Variants in GABBR2 observed in about 807,000 individuals in gnomAD.
GABBR2 encodes G-protein coupled receptor 51.
In GABBR2, 23 loss-of-function variants were observed where a neutral mutation model predicts 105.6. That is an observed-to-expected ratio of 0.22 (90% CI 0.16 to 0.31). GABBR2 has a LOEUF of 0.31. Among genes scored for constraint, GABBR2 ranks in the 10% least tolerant of loss-of-function variants. The probability of loss-of-function intolerance (pLI) is 1.00; values close to 1 mark genes in which losing one functional copy is unlikely to be tolerated. For missense variants in GABBR2, 734 were observed against 1,245.5 expected (o/e 0.59, Z 6.18); for synonymous variants, 478 against 499.7 (o/e 0.96, Z 0.58).
At chr9:98,363,589 G>A (rs1329902955) in intron 12 of GABBR2, among the ~76,000 whole-genome samples, 1 of 152,102 alleles carries the variant, frequency 6.6e-6, no homozygotes, top group African/African-American at 2.4e-5. Flanking sequence ...TTGTATACAT[G>A]TCTTCCCTCC....
At chr9:98,610,967 G>A (rs1564130308) in intron 1 of GABBR2, among the ~76,000 whole-genome samples, 1 of 152,042 alleles carries the variant, frequency 6.6e-6, no homozygotes, top group Admixed American at 6.6e-5. Context: ...CTCCAGCCTG[G>A]GTGAAAGAAT....
intron 13 of GABBR2, among the ~76,000 whole-genome samples, chr9:98,319,398 T>C (rs1830780384): frequency 6.6e-6 from 1 of 151,908 alleles, no homozygotes; most frequent in African/African-American, 2.4e-5. Flanking sequence ...CTAGAAGCTG[T>C]CATTTCAAGT....
chr9:98,465,987 C>T (rs1039872909), intron 6 of GABBR2, among the ~76,000 whole-genome samples: 1 of 152,148 alleles, frequency 6.6e-6, no homozygotes, highest in African/African-American at 2.4e-5. Flanking sequence ...CTAGTGAGTG[C>T]GTTCTCACAA....
intron 1 of GABBR2, among the ~76,000 whole-genome samples, chr9:98,673,605 A>G (rs1229886444): frequency 6.6e-6 from 1 of 152,046 alleles, no homozygotes; most frequent in African/African-American, 2.4e-5. Flanking sequence ...AACAGGGAAT[A>G]AAAAGATTTT....
chr9:98,343,027 T>G (rs1205168417), intron 13 of GABBR2, among the ~76,000 whole-genome samples: 1 of 152,228 alleles, frequency 6.6e-6, no homozygotes, highest in Non-Finnish European at 1.5e-5. Context: ...CCTCTTCCAA[T>G]ATCTGTTTCC....
intron 3 of GABBR2, among the ~76,000 whole-genome samples, chr9:98,518,121 C>G (rs1827795089): frequency 1.3e-5 from 2 of 152,178 alleles, no homozygotes; most frequent in South Asian, 4.1e-4. Context: ...TGTGAAGCGG[C>G]TGCTCCTCCC....
At chr9:98,573,533 C>T (rs2131775782) in intron 2 of GABBR2, among the ~76,000 whole-genome samples, 1 of 152,326 alleles carries the variant, frequency 6.6e-6, no homozygotes, top group African/African-American at 2.4e-5. Flanking sequence ...ATCCTCCTGC[C>T]TTGGCCTCCC....
At chr9:98,690,626 A>C (rs1390150863) in intron 1 of GABBR2, among the ~76,000 whole-genome samples, 1 of 152,196 alleles carries the variant, frequency 6.6e-6, no homozygotes, top group African/African-American at 2.4e-5. Context: ...GCTGGGAACC[A>C]AGACCATGAT....
intron 14 of GABBR2, 125 bp downstream of exon 14, chr9:98,310,970 T>C: frequency 1.6e-6 from 1 of 619,338 alleles, no homozygotes; most frequent in Non-Finnish European, 2.9e-6. Context: ...AGGCACTGAG[T>C]CCACAGAGAG....
intron 3 of GABBR2, among the ~76,000 whole-genome samples, chr9:98,507,872 C>A (rs1024894923): frequency 2.0e-5 from 3 of 152,216 alleles, no homozygotes; most frequent in Non-Finnish European, 4.4e-5. Context: ...CAGGTCCAAG[C>A]ACCTTTCTTG....
At chr9:98,347,517 C>T (rs1831321735) in intron 13 of GABBR2, among the ~76,000 whole-genome samples, 1 of 152,126 alleles carries the variant, frequency 6.6e-6, no homozygotes, top group Non-Finnish European at 1.5e-5. Context: ...TCTCATTTTA[C>T]AGGTTGTCTC....
chr9:98,546,542 G>C (rs565166086), intron 2 of GABBR2, among the ~76,000 whole-genome samples: 1 of 152,162 alleles, frequency 6.6e-6, no homozygotes, highest in Non-Finnish European at 1.5e-5. Context: ...AAACCTGTTT[G>C]TCATTTTATT....
intron 13 of GABBR2, among the ~76,000 whole-genome samples, chr9:98,330,449 A>G (rs559861293): frequency 6.6e-6 from 1 of 152,368 alleles, no homozygotes; most frequent in South Asian, 2.1e-4. Flanking sequence ...ACTGTGCCTG[A>G]AGTCCACTTT....
intron 9 of GABBR2, 29 bp from the exon 10 acceptor site, chr9:98,389,033 G>A (rs768917115): frequency 6.3e-7 from 1 of 1,593,678 alleles, no homozygotes; most frequent in Admixed American, 1.7e-5. Context: ...ACATCAGTGG[G>A]ACCCAATGCA....
chr9:98,377,292 G>A (rs749434496), intron 11 of GABBR2, among the ~76,000 whole-genome samples: 28 of 152,150 alleles, frequency 1.8e-4, no homozygotes, highest in Admixed American at 3.3e-4. Flanking sequence ...GACAGAAGAC[G>A]TGGACAAGTG....
chr9:98,370,041 G>A (rs547891966), intron 12 of GABBR2, among the ~76,000 whole-genome samples: 1 of 152,198 alleles, frequency 6.6e-6, no homozygotes, highest in Non-Finnish European at 1.5e-5. Context: ...AAACCTAAAG[G>A]TGGATGATGG....
intron 2 of GABBR2, among the ~76,000 whole-genome samples, chr9:98,552,571 T>C (rs193240837): frequency 6.6e-6 from 1 of 152,308 alleles, no homozygotes; most frequent in Non-Finnish European, 1.5e-5. Flanking sequence ...GGACAAAAAG[T>C]GCCTCAACAT....
At chr9:98,603,163 T>G (rs868543697) in intron 1 of GABBR2, among the ~76,000 whole-genome samples, 23 of 152,332 alleles carry the variant, frequency 1.5e-4, no homozygotes, top group South Asian at 1.2e-3. Context: ...CCACTCTCTC[T>G]GCCCCGTCTC....
At chr9:98,610,887 G>A (rs1448662001) in intron 1 of GABBR2, among the ~76,000 whole-genome samples, 3 of 152,282 alleles carry the variant, frequency 2.0e-5, no homozygotes, top group Admixed American at 6.5e-5. Flanking sequence ...AGTTACTCAG[G>A]AAGCTGAGGC....
Sources: allele counts gnomAD v4.1 joint callset (sites outside exome capture counted in the v4.1 genomes callset), GRCh38; gene constraint gnomAD v4.1.1; transcripts MANE v1.5; gene names NCBI Gene and HGNC (gene_info 2026-07-23, HGNC 2026-07-21).